PDZD2: variants seen among roughly 807,000 people sequenced by gnomAD.
PDZD2 encodes PDZ domain containing 2.
PDZD2 carries 90 observed loss-of-function variants against 220.7 expected under a neutral mutation model. That is an observed-to-expected ratio of 0.41 (90% CI 0.34 to 0.49). The LOEUF (loss-of-function observed/expected upper bound fraction) is 0.49. Among genes scored for constraint, PDZD2 ranks in the 20% least tolerant of loss-of-function variants. PDZD2 has a pLI of 0.28. For missense variants in PDZD2, 3,174 were observed against 3,608.5 expected (o/e 0.88, Z 3.08); for synonymous variants, 1,375 against 1,450.5 (o/e 0.95, Z 1.18).
chr5:31,779,262 C>T (rs1752912370), intron 1 of PDZD2, among the ~76,000 whole-genome samples: 1 of 152,146 alleles, frequency 6.6e-6, no homozygotes, highest in Non-Finnish European at 1.5e-5. Context: ...CTTCAGGATT[C>T]CACAGGACTG....
At chr5:31,980,217 C>T (rs972219332) in intron 2 of PDZD2, among the ~76,000 whole-genome samples, 3 of 152,154 alleles carry the variant, frequency 2.0e-5, no homozygotes, top group African/African-American at 4.8e-5. Context: ...CCCTCTCCCC[C>T]AGCTCCTGGC....
chr5:32,062,393 AT>A (rs35709661), intron 14 of PDZD2, among the ~76,000 whole-genome samples: 26,449 of 141,152 alleles, frequency 0.19, 2,066 homozygotes, highest in East Asian at 0.3. Flanking sequence ...TCAAGACTAA[AT>A]TTTTTTTTTT....
rs572319745 is a variant in PDZD2 at position 31,927,574 on chromosome 5, G to A, written c.477-55581G>A. ...AATTTTTGTATTTTTTAGTAGAGAC[G>A]GGGTTTCACCATGTTGGCCAGGCTG... On this transcript the variant is annotated intron_variant, in intron 2 of 24. Coordinates refer to ENST00000438447, the MANE Select transcript of PDZD2 (RefSeq NM_178140.4). Among the ~76,000 whole-genome samples, 18 of 152,080 alleles carry A rather than the reference G, an allele frequency of 1.2e-4. 1 individual carries two copies. The highest frequency in any genetic ancestry group is 6.8e-3 in the Middle Eastern group (2 of 294).
chr5:31,787,190 A>G (rs1753430198), intron 1 of PDZD2, among the ~76,000 whole-genome samples: 1 of 152,230 alleles, frequency 6.6e-6, no homozygotes, highest in African/African-American at 2.4e-5. Flanking sequence ...TTCTCAGTCA[A>G]TTACCTATTC....
intron 5 of PDZD2, among the ~76,000 whole-genome samples, chr5:32,002,460 C>G (rs1188431306): frequency 6.6e-6 from 1 of 152,066 alleles, no homozygotes; most frequent in Admixed American, 6.5e-5. Flanking sequence ...GGGATTCTCT[C>G]TGTCAGCTGG....
rs762315228 is a variant in PDZD2 at position 32,090,367 on chromosome 5, C to T, written c.6919C>T (p.Leu2307=). The T allele has an allele frequency of 1.9e-6, 3 of 1,614,048 alleles. No individual in the cohort carries two copies. The highest frequency in any genetic ancestry group is 3.3e-5 in the Admixed American group (2 of 60,012). ...DIISVQETSC[L]VTDKIKVTRR... is the part of the protein sequence containing the mutation. ...CATTTCAGTCCAGGAGACGAGCTGC[C>T]TAGTCACAGACAAAATCAAAGTCAC... The change falls in exon 20 of 25, where the codon CTA becomes TTA. Residue 2307 remains leucine (L), a synonymous_variant. Coordinates refer to ENST00000438447, the MANE Select transcript of PDZD2 (RefSeq NM_178140.4). The surrounding 1 kb of genome is among the most constrained non-coding windows in gnomAD (Gnocchi z 4.3).
intron 7 of PDZD2, among the ~76,000 whole-genome samples, chr5:32,039,486 C>T (rs539690891): frequency 1.3e-5 from 2 of 152,358 alleles, no homozygotes; most frequent in South Asian, 4.1e-4. Context: ...CTGCCTTGGC[C>T]TCCCAAAGTG....
intron 2 of PDZD2, among the ~76,000 whole-genome samples, chr5:31,947,051 C>G (rs1746701467): frequency 6.6e-6 from 1 of 152,150 alleles, no homozygotes; most frequent in South Asian, 2.1e-4. Context: ...CACTGTAGAC[C>G]TGGTATCCCA....
At chr5:31,962,766 A>C (rs1272374231) in intron 2 of PDZD2, among the ~76,000 whole-genome samples, 2 of 152,192 alleles carry the variant, frequency 1.3e-5, no homozygotes, top group Non-Finnish European at 2.9e-5. Flanking sequence ...CAGTGCCACA[A>C]GGGAAAACTC....
At chr5:31,679,826 T>C (rs1746583279) in intron 1 of PDZD2, among the ~76,000 whole-genome samples, 1 of 152,166 alleles carries the variant, frequency 6.6e-6, no homozygotes, top group African/African-American at 2.4e-5. Flanking sequence ...ATCAGATTTT[T>C]GAAGGTTCCC....
At chr5:31,950,669 A>G (rs563223744) in intron 2 of PDZD2, among the ~76,000 whole-genome samples, 3 of 152,352 alleles carry the variant, frequency 2.0e-5, no homozygotes, top group Admixed American at 6.5e-5. Context: ...TAGTTGTACC[A>G]GTCTGTAAAT....
chr5:31,976,010 G>A (rs1749736886), intron 2 of PDZD2, among the ~76,000 whole-genome samples: 2 of 151,564 alleles, frequency 1.3e-5, no homozygotes, highest in African/African-American at 4.9e-5. Flanking sequence ...GCTCAGGCTG[G>A]GATATCAGCC....
intron 19 of PDZD2, among the ~76,000 whole-genome samples, chr5:32,079,944 G>A (rs1229052248): frequency 1.3e-5 from 2 of 152,198 alleles, no homozygotes; most frequent in Admixed American, 1.3e-4. Flanking sequence ...TAGTGATGAG[G>A]CTGTTACTGT....
intron 22 of PDZD2, among the ~76,000 whole-genome samples, chr5:32,097,652 G>A (rs1366543412): frequency 1.1e-4 from 16 of 152,246 alleles, no homozygotes; most frequent in Non-Finnish European, 5.9e-5. Context: ...CATATTTTAA[G>A]CAGTAGAAAA....
Position 31,771,017 on chromosome 5 carries a change from A to G in PDZD2, c.-360-27872A>G, listed in dbSNP as rs1445928693. 3.3e-5 allele frequency among the ~76,000 whole-genome samples: 5 copies of G among 152,278 alleles called. No homozygotes were observed. In the South Asian group the frequency reaches 1.0e-3, roughly 32 times the overall value. On this transcript the variant is annotated intron_variant, in intron 1 of 24. Coordinates refer to ENST00000438447, the MANE Select transcript of PDZD2 (RefSeq NM_178140.4). Reference sequence around the variant, plus strand: ...CATTAGGGAAGCTTGCTATTTATGGAAAGACTACCGTGATGCAATTTATGA... The same window carrying G: ...CATTAGGGAAGCTTGCTATTTATGGGAAGACTACCGTGATGCAATTTATGA...
chr5:31,977,108 G>T (rs892470224), intron 2 of PDZD2, among the ~76,000 whole-genome samples: 1 of 150,944 alleles, frequency 6.6e-6, no homozygotes, highest in Admixed American at 6.6e-5. Flanking sequence ...CCCTCCTACC[G>T]TGGCCTCCAA....
chr5:31,859,063 G>C (rs1041676470), intron 2 of PDZD2, among the ~76,000 whole-genome samples: 2 of 152,028 alleles, frequency 1.3e-5, no homozygotes, highest in Admixed American at 1.3e-4. Flanking sequence ...GACCTGCCAA[G>C]TGGTCCTGTG....
In PDZD2 at chr5:32,110,791, ATATAT is replaced by A. The variant is rs1380314232; in HGVS notation, c.*2659_*2663del. The A allele has an allele frequency of 2.6e-5, 4 of 152,652 alleles. No individual in the cohort carries two copies. Among genetic ancestry groups the A allele is most frequent in the Admixed American group, 1.3e-4 (2 of 15,280 alleles). The allele number at this position is 152,652 out of a possible 1,614,324, so 9.5% of individuals were successfully genotyped here. On this transcript the variant is annotated 3_prime_UTR_variant, in exon 25 of 25. Coordinates refer to ENST00000438447, the MANE Select transcript of PDZD2 (RefSeq NM_178140.4). ...TTATTTATGTAAAGTAAAATGCCTT[ATATAT>A]TAAAGAGTAAGTGCAATAATATGAA...
At chr5:31,908,534 G>A in intron 2 of PDZD2, 1 of 1,055,746 alleles carries the variant, frequency 9.5e-7, no homozygotes, top group African/African-American at 1.6e-5. Flanking sequence ...GAGGGCGAGG[G>A]CACGGAAAGC....
Sources: gnomAD v4.1 joint callset for allele counts (sites outside exome capture counted in the v4.1 genomes callset) on GRCh38, gnomAD v4.1.1 for gene constraint, Gnocchi (gnomAD v3.1) non-coding constraint, MANE v1.5 for transcripts, NCBI Gene and HGNC (gene_info 2026-07-23, HGNC 2026-07-21) for gene names.